Variants in AKAP13 observed in about 807,000 individuals in gnomAD.
The protein encoded by AKAP13 is A-kinase anchor protein 13.
AKAP13 carries 80 observed loss-of-function variants against 264.5 expected under a neutral mutation model. That is an observed-to-expected ratio of 0.30 (90% CI 0.25 to 0.36). The LOEUF (loss-of-function observed/expected upper bound fraction) is 0.36. AKAP13 is among the 10% of genes least tolerant of loss of function. AKAP13 has a pLI of 1.00. For synonymous variants in AKAP13, 1,380 were observed against 1,250.2 expected (o/e 1.10, Z -2.19); for missense variants, 3,712 against 3,435.2 (o/e 1.08, Z -2.01).
Position 85,579,548 on chromosome 15 carries a change from T to C in AKAP13, c.1480T>C (p.Trp494Arg), listed in dbSNP as rs2061822. Residue 494 changes from tryptophan to arginine, a missense_variant, in exon 7 of 37, where the codon TGG becomes CGG. Around this residue, in one of 3 missense-constraint regions of AKAP13, gnomAD observed 2,759 missense variants for 2,411.7 expected, o/e 1.14. Transcript: ENST00000394518. ...GCTCATGAACCCAGATGCCACTGTT[T>C]GGAAGAATGTGCTTCAGGGAGGGGA... ...HGLMNPDATV[W>R]KNVLQGGEST... The C allele has an allele frequency of 0.66, 1,059,478 of 1,613,808 alleles. 349,679 individuals are homozygous for C. The highest frequency in any genetic ancestry group is 0.73 in the Middle Eastern group (4,395 of 6,062).
At chr15:85,450,862 C>G (rs1039642094) in intron 1 of AKAP13, among the ~76,000 whole-genome samples, 1 of 152,158 alleles carries the variant, frequency 6.6e-6, no homozygotes, top group South Asian at 2.1e-4. Context: ...TGTAAAAGGT[C>G]TGTCAGATCC....
chr15:85,701,406 C>G (rs1036207275), intron 17 of AKAP13, among the ~76,000 whole-genome samples: 1 of 151,948 alleles, frequency 6.6e-6, no homozygotes, highest in African/African-American at 2.4e-5. Context: ...CAGCAAAAAC[C>G]AGGAAAAAGA....
chr15:85,423,428 A>G (rs1417919818), intron 1 of AKAP13, among the ~76,000 whole-genome samples: 3 of 152,212 alleles, frequency 2.0e-5, no homozygotes, highest in African/African-American at 4.8e-5. Context: ...AGTAGATTCC[A>G]TGTCTAGAAG....
rs1028534305 is a variant in AKAP13 at position 85,580,034 on chromosome 15, A to G, written c.1966A>G (p.Thr656Ala). 3.7e-6 allele frequency: 6 copies of G among 1,614,192 alleles called. No homozygotes were observed. The Admixed American group carries it at 8.3e-5, about 22-fold the overall frequency. Reference protein sequence around the residue: ...KGKSSPICSTTGDDKLCADSA... With the variant: ...KGKSSPICSTAGDDKLCADSA... ...CAAATCCTCACCCATTTGTTCTACA[A>G]CTGGAGACGATAAACTTTGTGCAGA... The change falls in exon 7 of 37, where the codon ACT becomes GCT. Residue 656 changes from threonine to alanine, a missense_variant. Physicochemically the swap from Thr to Ala is moderately conservative, Grantham distance 58. Around this residue, in one of 3 missense-constraint regions of AKAP13, gnomAD observed 2,759 missense variants for 2,411.7 expected, o/e 1.14. Coordinates refer to ENST00000394518, the MANE Select transcript of AKAP13 (RefSeq NM_007200.5).
Position 85,727,485 on chromosome 15 carries a change from G to C in AKAP13, c.7087+22G>C, listed in dbSNP as rs749177024. On this transcript the variant is annotated intron_variant, in intron 29 of 36. Transcript: ENST00000394518. The surrounding 1 kb of genome is among the most constrained non-coding windows in gnomAD (Gnocchi z 5.3). ...AAAGGTGAGGCATTGCGAGTGGTCT[G>C]AGCCCCTTGTCTGGAATGTCTGCAG... is the stretch of plus-strand genomic sequence containing the variant. The C allele has an allele frequency of 6.2e-7, 1 of 1,612,958 alleles. No individual in the cohort carries two copies. The highest frequency in any genetic ancestry group is 1.1e-5 in the South Asian group (1 of 91,012).
At chr15:85,633,721 T>C (rs2081960107) in intron 8 of AKAP13, among the ~76,000 whole-genome samples, 1 of 151,738 alleles carries the variant, frequency 6.6e-6, no homozygotes, top group Non-Finnish European at 1.5e-5. Context: ...TGTTTTTGTA[T>C]TTTTAGTAGA....
intron 1 of AKAP13, among the ~76,000 whole-genome samples, chr15:85,399,514 A>ATAAAAT (rs1567038562): frequency 2.9e-5 from 3 of 104,986 alleles, no homozygotes; most frequent in Admixed American, 2.2e-4. Context: ...AAAAAAAAAA[A>ATAAAAT]AAAAAAAATA....
chr15:85,623,806 T>C (rs1247924275), intron 8 of AKAP13, among the ~76,000 whole-genome samples: 1 of 152,264 alleles, frequency 6.6e-6, no homozygotes, highest in Non-Finnish European at 1.5e-5. Context: ...CTCCTTTTCT[T>C]GATGCATGCA....
At chr15:85,621,849 C>T (rs1009307107) in intron 8 of AKAP13, among the ~76,000 whole-genome samples, 1 of 151,968 alleles carries the variant, frequency 6.6e-6, no homozygotes, top group Admixed American at 6.6e-5. Context: ...TTTTGTTTTC[C>T]CCACAAACCT....
chr15:85,447,088 G>A (rs1055494921), intron 1 of AKAP13, among the ~76,000 whole-genome samples: 1 of 152,062 alleles, frequency 6.6e-6, no homozygotes. Context: ...CCAACATGAT[G>A]AAACTCCATC....
intron 14 of AKAP13, among the ~76,000 whole-genome samples, chr15:85,677,525 G>A (rs751726426): frequency 2.6e-5 from 4 of 152,012 alleles, no homozygotes; most frequent in Non-Finnish European, 5.9e-5. Flanking sequence ...GTGTTTAAAA[G>A]CTATTGTTAC....
At chr15:85,719,569 A>C (rs576267706) in intron 23 of AKAP13, among the ~76,000 whole-genome samples, 1 of 152,102 alleles carries the variant, frequency 6.6e-6, no homozygotes, top group Admixed American at 6.6e-5. Context: ...AATGCATATG[A>C]TAGATGCTCA....
chr15:85,662,746 A>T (rs1312151763), intron 12 of AKAP13, among the ~76,000 whole-genome samples: 1 of 152,236 alleles, frequency 6.6e-6, no homozygotes, highest in Admixed American at 6.5e-5. Flanking sequence ...GATCCTAAAA[A>T]TTCTTGGAAC....
chr15:85,694,166 A>G (rs1263773954), intron 17 of AKAP13, among the ~76,000 whole-genome samples: 1 of 152,250 alleles, frequency 6.6e-6, no homozygotes, highest in East Asian at 1.9e-4. Context: ...ACTTTGGTAT[A>G]TGCTTCAGCC....
At chr15:85,424,716 G>T (rs2072689189) in intron 1 of AKAP13, among the ~76,000 whole-genome samples, 4 of 152,190 alleles carry the variant, frequency 2.6e-5, no homozygotes, top group Admixed American at 2.0e-4. Context: ...CTTTCTGCCT[G>T]TCTCAGCTTT....
At chr15:85,583,567 A>G (rs1157309711) in intron 7 of AKAP13, among the ~76,000 whole-genome samples, 1 of 152,206 alleles carries the variant, frequency 6.6e-6, no homozygotes, top group Non-Finnish European at 1.5e-5. Context: ...GCAGGTTGGC[A>G]TTTCAGAAGA....
chr15:85,742,742 A>C (rs1468065808), intron 35 of AKAP13, among the ~76,000 whole-genome samples: 1 of 152,234 alleles, frequency 6.6e-6, no homozygotes, highest in African/African-American at 2.4e-5. Flanking sequence ...GGGTGTACAC[A>C]GATCTGCCTG....
rs764264387 is a variant in AKAP13 at position 85,581,746 on chromosome 15, C to T, written c.3678C>T (p.Ser1226=). ...MRAPPSGRER[S]TPSLPCMVSA... ...CCCCGCCTTCAGGCAGGGAAAGGAG[C>T]ACTCCCTCTCTACCTTGCATGGTCT... The change falls in exon 7 of 37, where the codon AGC becomes AGT. Residue 1226 remains serine, a synonymous_variant. Coordinates refer to ENST00000394518, the MANE Select transcript of AKAP13 (RefSeq NM_007200.5). The T allele has an allele frequency of 2.5e-6, 4 of 1,614,176 alleles. No individual in the cohort carries two copies. The highest frequency in any genetic ancestry group is 3.4e-6 in the Non-Finnish European group (4 of 1,180,010).
At position 85,636,252 on chromosome 15, in the gene AKAP13, A is replaced by G. The variant is rs1018771387; in HGVS notation, c.4162-3122A>G. Among the ~76,000 whole-genome samples the G allele has an allele frequency of 5.1e-4, 78 of 152,124 alleles. 1 individual carries two copies. Among genetic ancestry groups the G allele is most frequent in the Non-Finnish European group, 1.2e-4 (8 of 68,018 alleles). On this transcript the variant is annotated intron_variant, in intron 8 of 36. Transcript: ENST00000394518. The stretch of plus-strand genomic sequence containing the variant: ...TAGTATGTTGACTTTGTGTCTGGCA[A>G]CCTTGCTTTTATTAATACATTATTT...
Sources: allele counts gnomAD v4.1 joint callset (sites outside exome capture counted in the v4.1 genomes callset), GRCh38; gene constraint gnomAD v4.1.1; regional missense constraint gnomAD v4.1.1; non-coding constraint Gnocchi (gnomAD v3.1); transcripts MANE v1.5; gene names NCBI Gene and HGNC (gene_info 2026-07-23, HGNC 2026-07-21).